Variants in MACROD2 observed in about 807,000 individuals in gnomAD.
MACROD2 encodes mono-ADP ribosylhydrolase 2.
MACROD2 carries 36 observed loss-of-function variants against 70.4 expected under a neutral mutation model. The observed-to-expected ratio is 0.51, with a 90% CI of 0.39 to 0.68. The LOEUF (loss-of-function observed/expected upper bound fraction) is 0.68. Ranked by LOEUF, MACROD2 falls within the 30% of genes least tolerant of loss-of-function variation. The probability of loss-of-function intolerance (pLI) is 0.00; values close to 1 mark genes in which losing one functional copy is unlikely to be tolerated. For synonymous variants in MACROD2, 172 were observed against 178.8 expected (o/e 0.96, Z 0.30); for missense variants, 496 against 538.4 (o/e 0.92, Z 0.78).
chr20:14,722,332 G>C (rs1181629092), intron 5 of MACROD2, among the ~76,000 whole-genome samples: 3 of 152,202 alleles, frequency 2.0e-5, no homozygotes, highest in Non-Finnish European at 4.4e-5. Flanking sequence ...AAAAGGCATA[G>C]ATATGGGGAT....
chr20:14,836,636 A>G (rs554110254), intron 5 of MACROD2, among the ~76,000 whole-genome samples: 1 of 152,196 alleles, frequency 6.6e-6, no homozygotes, highest in African/African-American at 2.4e-5. Flanking sequence ...ATACTAGTCA[A>G]TCAAATTCTG....
At chr20:14,668,686 A>C (rs1030952935) in intron 4 of MACROD2, among the ~76,000 whole-genome samples, 3 of 152,338 alleles carry the variant, frequency 2.0e-5, no homozygotes, top group Admixed American at 6.5e-5. Context: ...TATACAAATC[A>C]CATGTGACAC....
At chr20:15,251,566 C>G (rs917597192) in intron 6 of MACROD2, among the ~76,000 whole-genome samples, 26 of 152,320 alleles carry the variant, frequency 1.7e-4, no homozygotes, top group African/African-American at 6.3e-4. Context: ...AATACTCATT[C>G]ATTGCAAAGG....
At chr20:15,998,642 G>A (rs1366994107) in intron 15 of MACROD2, among the ~76,000 whole-genome samples, 1 of 146,484 alleles carries the variant, frequency 6.8e-6, no homozygotes, top group African/African-American at 2.5e-5. Flanking sequence ...TTGGCTCACT[G>A]CAAGCTCCGC....
chr20:14,772,176 T>A (rs1191675480), intron 5 of MACROD2, among the ~76,000 whole-genome samples: 1 of 152,102 alleles, frequency 6.6e-6, no homozygotes, highest in Non-Finnish European at 1.5e-5. Context: ...CTTTTCCCCC[T>A]CTACCATTTT....
At chr20:15,455,775 G>A (rs543602052) in intron 7 of MACROD2, among the ~76,000 whole-genome samples, 24 of 152,144 alleles carry the variant, frequency 1.6e-4, no homozygotes, top group East Asian at 9.7e-4. Context: ...CTATTGTAAC[G>A]TCTGTGCTCG....
rs116588718 is a variant in MACROD2, at chr20:15,790,397, G to A, written c.646-72348G>A. ...AGAAATAGCACATGTAATTCAATAT[G>A]AGAAATGAGAATTAAAGGTATAGGT... is the stretch of plus-strand genomic sequence containing the variant. On this transcript the variant is annotated intron_variant, in intron 8 of 17. Transcript: ENST00000684519. 3.9e-3 allele frequency among the ~76,000 whole-genome samples: 589 copies of A among 151,984 alleles called. 3 individuals carry two copies. The highest frequency in any genetic ancestry group is 0.014 in the Middle Eastern group (4 of 294).
intron 5 of MACROD2, among the ~76,000 whole-genome samples, chr20:15,029,727 A>G (rs1349342544): frequency 6.6e-6 from 1 of 152,212 alleles, no homozygotes; most frequent in Non-Finnish European, 1.5e-5. Context: ...GTATGAAGAC[A>G]AAGAAACAAT....
At chr20:15,859,241 C>A (rs1401146055) in intron 8 of MACROD2, among the ~76,000 whole-genome samples, 1 of 151,938 alleles carries the variant, frequency 6.6e-6, no homozygotes, top group African/African-American at 2.4e-5. Flanking sequence ...GGTAGGTATA[C>A]TTTCTCAGGG....
chr20:14,310,612 A>G lies in MACROD2; in HGVS notation c.272-182867A>G, dbSNP rs371506337. ...TATCTTACTAGTTTATGTATTTACTATACTTTTTTTTATTTATTTATTTTT... is the reference window on the plus strand; with the variant it reads ...TATCTTACTAGTTTATGTATTTACTGTACTTTTTTTTATTTATTTATTTTT... On this transcript the variant is annotated intron_variant, in intron 3 of 17. Coordinates refer to ENST00000684519, the MANE Select transcript of MACROD2 (RefSeq NM_001351661.2). Among the ~76,000 whole-genome samples, 16 of 152,286 alleles carry G rather than the reference A, an allele frequency of 1.1e-4. No homozygotes were observed. In the East Asian group the frequency reaches 1.3e-3, roughly 13 times the overall value.
At chr20:15,790,439 C>T (rs930613365) in intron 8 of MACROD2, among the ~76,000 whole-genome samples, 17 of 151,764 alleles carry the variant, frequency 1.1e-4, no homozygotes, top group Admixed American at 7.2e-4. Context: ...AAGGAAGAGA[C>T]AAAAATTATT....
At chr20:14,364,491 A>G (rs1368112182) in intron 3 of MACROD2, among the ~76,000 whole-genome samples, 2 of 152,210 alleles carry the variant, frequency 1.3e-5, no homozygotes, top group Non-Finnish European at 2.9e-5. Flanking sequence ...TGAACAACTT[A>G]GTAGCTAAGG....
chr20:14,620,453 G>A (rs1295557654), intron 4 of MACROD2, among the ~76,000 whole-genome samples: 1 of 151,976 alleles, frequency 6.6e-6, no homozygotes, highest in Non-Finnish European at 1.5e-5. Flanking sequence ...AATTCTGATA[G>A]GGAACATATT....
chr20:13,995,863 C>CGGGGGGGGGGGGGGGGTGGGGGGGGGGG lies in MACROD2; in HGVS notation c.46+59_46+60insGGGGGGGGGGGTGGGGGGGGGGGGGGGG. On this transcript the variant is annotated intron_variant, in intron 1 of 17. Transcript: ENST00000684519. This position sits in a 1 kb window ranked among gnomAD's most constrained non-coding sequence, Gnocchi z 4.3. ...CGGGCGGTGGGGGTTAGGGTGGGGG[C>CGGGGGGGGGGGGGGGGTGGGGGGGGGGG]GGGGGTCAGGCTGTGTGTGCCGCGG... The CGGGGGGGGGGGGGGGGTGGGGGGGGGGG allele has an allele frequency of 2.4e-6, 1 of 412,924 alleles. No homozygotes were observed. The highest frequency in any genetic ancestry group is 4.6e-6 in the Non-Finnish European group (1 of 215,402). The allele number at this position is 412,924 out of a possible 1,614,324, so 25.6% of individuals were successfully genotyped here.
intron 6 of MACROD2, among the ~76,000 whole-genome samples, chr20:15,318,638 T>A (rs2077840424): frequency 6.6e-6 from 1 of 152,086 alleles, no homozygotes; most frequent in African/African-American, 2.4e-5. Flanking sequence ...TAAATGGGAT[T>A]TATCACAGAA....
At chr20:15,598,777 A>C (rs1251631039) in intron 8 of MACROD2, among the ~76,000 whole-genome samples, 1 of 152,176 alleles carries the variant, frequency 6.6e-6, no homozygotes, top group African/African-American at 2.4e-5. Context: ...TTTCCAGATC[A>C]ACCTTGCCAT....
At position 15,982,439 on chromosome 20, in the gene MACROD2, G is replaced by C. The variant is rs556841492; in HGVS notation, c.986-4288G>C. Among the ~76,000 whole-genome samples the C allele has an allele frequency of 4.0e-3, 612 of 152,252 alleles. 1 individual carries two copies. Among genetic ancestry groups the C allele is most frequent in the Non-Finnish European group, 5.9e-3 (403 of 68,022 alleles). On this transcript the variant is annotated intron_variant, in intron 13 of 17. Coordinates refer to ENST00000684519, the MANE Select transcript of MACROD2 (RefSeq NM_001351661.2). ...TTTTAAGGAAAATGAGTCCTGCAAT[G>C]AGTTTCTTCATGCTTCGGCCATGTG...
intron 6 of MACROD2, among the ~76,000 whole-genome samples, chr20:15,412,690 G>GA (rs1379823835): frequency 1.3e-5 from 2 of 152,134 alleles, no homozygotes; most frequent in South Asian, 2.1e-4. Context: ...CTTAAAGCCA[G>GA]AAAAATGGCC....
intron 5 of MACROD2, among the ~76,000 whole-genome samples, chr20:14,880,360 A>T (rs1347352450): frequency 6.6e-6 from 1 of 152,206 alleles, no homozygotes; most frequent in Non-Finnish European, 1.5e-5. Context: ...TACTCTTTAC[A>T]TTCTCAACTT....
Sources: gnomAD v4.1 joint callset for allele counts (sites outside exome capture counted in the v4.1 genomes callset) on GRCh38, gnomAD v4.1.1 for gene constraint, Gnocchi (gnomAD v3.1) non-coding constraint, MANE v1.5 for transcripts, NCBI Gene and HGNC (gene_info 2026-07-23, HGNC 2026-07-21) for gene names.